The following ZNF384 variants were observed in gnomAD, a reference collection of about 807,000 sequenced individuals.
ZNF384 encodes the protein zinc finger protein 384, also known as CAG repeat protein 1.
Under a neutral mutation model 65.0 loss-of-function variants are expected in ZNF384, and 20 were observed. The ratio of observed to expected loss-of-function variants is 0.31; its 90% CI spans 0.22 to 0.45. The LOEUF (loss-of-function observed/expected upper bound fraction) is 0.45. Among genes scored for constraint, ZNF384 ranks in the 20% least tolerant of loss-of-function variants. The pLI is 1.00. For synonymous variants in ZNF384, 310 were observed against 303.9 expected (o/e 1.02, Z -0.21); for missense variants, 549 against 769.4 (o/e 0.71, Z 3.39).
At position 6,672,341 on chromosome 12, in the gene ZNF384, C is replaced by A. The variant is rs758793197; in HGVS notation, c.1187+9G>T. The stretch of plus-strand genomic sequence containing the variant: ...GGGGCGGGGTCAGTAGCCCGCCACT[C>A]TCCCTTACCGTGTGTGCTGCTGGAG... On this transcript the variant is annotated intron_variant, in intron 9 of 11. Coordinates refer to ENST00000683879, the MANE Select transcript of ZNF384 (RefSeq NM_001385745.1). The surrounding 1 kb of genome is among the most constrained non-coding windows in gnomAD (Gnocchi z 4.4). 1 of 1,612,014 alleles carries A rather than the reference C, an allele frequency of 6.2e-7. No individual in the cohort carries two copies. The highest frequency in any genetic ancestry group is 8.5e-7 in the Non-Finnish European group (1 of 1,178,856).
At chr12:6,687,668 C>A (rs1337604948) in intron 2 of ZNF384, among the ~76,000 whole-genome samples, 2 of 151,990 alleles carry the variant, frequency 1.3e-5, no homozygotes, top group African/African-American at 2.4e-5. Context: ...AAAATTTCAT[C>A]TTGCCATACC....
At chr12:6,669,578 C>G (rs898705231) in intron 10 of ZNF384, among the ~76,000 whole-genome samples, 4 of 151,834 alleles carry the variant, frequency 2.6e-5, no homozygotes, top group Non-Finnish European at 4.4e-5. Context: ...CGGCTCATTG[C>G]AACCTCCGCT....
intron 7 of ZNF384, among the ~76,000 whole-genome samples, chr12:6,676,115 C>T (rs775972613): frequency 1.3e-5 from 2 of 152,176 alleles, no homozygotes; most frequent in Non-Finnish European, 2.9e-5. Flanking sequence ...GCCTGGCCAA[C>T]GTGGTGAAAC....
At chr12:6,682,413 C>T (rs1040594550) in intron 2 of ZNF384, among the ~76,000 whole-genome samples, 1 of 152,038 alleles carries the variant, frequency 6.6e-6, no homozygotes, top group East Asian at 1.9e-4. Flanking sequence ...AATCCCAGCG[C>T]TTTGAGAGGC....
At chr12:6,668,887 A>G (rs1950488649) in intron 11 of ZNF384, 144 bp downstream of exon 11, 2 of 795,192 alleles carry the variant, frequency 2.5e-6, no homozygotes, top group Admixed American at 3.7e-5. Flanking sequence ...GGTCTAATTA[A>G]TTTCTGAATA....
At position 6,678,517 on chromosome 12, in the gene ZNF384, T is replaced by C; in HGVS notation, c.353-57A>G. ...TGTTGTTCAGTCCTGATCCTAATCCTATTTCATTTCCCCCAGATCATTGTC... is the reference window on the plus strand; with the variant it reads ...TGTTGTTCAGTCCTGATCCTAATCCCATTTCATTTCCCCCAGATCATTGTC... On this transcript the variant is annotated intron_variant, in intron 5 of 11. Coordinates refer to ENST00000683879, the MANE Select transcript of ZNF384 (RefSeq NM_001385745.1). The surrounding 1 kb of genome is among the most constrained non-coding windows in gnomAD (Gnocchi z 4.9). 1 of 1,540,550 alleles carries C rather than the reference T, an allele frequency of 6.5e-7. No individual in the cohort carries two copies. The highest frequency in any genetic ancestry group is 8.8e-7 in the Non-Finnish European group (1 of 1,130,930).
intron 2 of ZNF384, among the ~76,000 whole-genome samples, chr12:6,686,314 C>T (rs148562444): frequency 5.1e-4 from 78 of 152,276 alleles, no homozygotes; most frequent in African/African-American, 1.1e-3. Flanking sequence ...AGTGTAATGG[C>T]GTGATCTCAG....
chr12:6,678,620 T>A lies in ZNF384; in HGVS notation c.352+43A>T, dbSNP rs370426407. 10 of 1,603,362 alleles carry A rather than the reference T, an allele frequency of 6.2e-6. No individual in the cohort carries two copies. In the African/African-American group the frequency reaches 1.2e-4, roughly 20 times the overall value. Reference sequence around the variant, plus strand: ...CAAACCCTGTAGAAAAATAATGGTCTCCTAACCCTTGTCCCCACCCCCCTG... The same window carrying A: ...CAAACCCTGTAGAAAAATAATGGTCACCTAACCCTTGTCCCCACCCCCCTG... On this transcript the variant is annotated intron_variant, in intron 5 of 11. Coordinates refer to ENST00000683879, the MANE Select transcript of ZNF384 (RefSeq NM_001385745.1). This position sits in a 1 kb window ranked among gnomAD's most constrained non-coding sequence, Gnocchi z 4.9.
intron 7 of ZNF384, among the ~76,000 whole-genome samples, chr12:6,676,577 C>T (rs1004386322): frequency 1.3e-5 from 2 of 152,128 alleles, no homozygotes; most frequent in African/African-American, 4.8e-5. Context: ...ATGAGAGGAC[C>T]CTGATCCATT....
chr12:6,677,415 G>C (rs1269057908), intron 6 of ZNF384, among the ~76,000 whole-genome samples, 156 bp from the exon 7 acceptor site: 1 of 152,146 alleles, frequency 6.6e-6, no homozygotes, highest in East Asian at 1.9e-4. Flanking sequence ...ACCCACTAGG[G>C]CACGTGACAG....
At chr12:6,683,661 C>CAAAAAAAAAAAAA (rs550687196) in intron 2 of ZNF384, among the ~76,000 whole-genome samples, 1 of 66,660 alleles carries the variant, frequency 1.5e-5, no homozygotes, top group African/African-American at 4.1e-5. Flanking sequence ...GACCCTGTCT[C>CAAAAAAAAAAAAA]AAAAAAAAAA....
intron 2 of ZNF384, among the ~76,000 whole-genome samples, chr12:6,683,661 CAAAA>C (rs550687196): frequency 6.0e-5 from 4 of 66,686 alleles, no homozygotes; most frequent in Non-Finnish European, 3.7e-5. Context: ...GACCCTGTCT[CAAAA>C]AAAAAAAAAA....
Position 6,680,774 on chromosome 12 carries a change from G to A in ZNF384, c.-5-1249C>T, listed in dbSNP as rs116576534. 3.7e-3 allele frequency among the ~76,000 whole-genome samples: 565 copies of A among 152,134 alleles called. 3 individuals are homozygous for A. The highest frequency in any genetic ancestry group is 0.013 in the African/African-American group (535 of 41,494). ...TGCTACACTGGGCACCACACATGCC[G>A]CGCTGAGCAGTGAGAATCAAAGCAC... On this transcript the variant is annotated intron_variant, in intron 2 of 11. Coordinates refer to ENST00000683879, the MANE Select transcript of ZNF384 (RefSeq NM_001385745.1).
chr12:6,669,686 G>A (rs1008246759), intron 10 of ZNF384, among the ~76,000 whole-genome samples: 1 of 152,014 alleles, frequency 6.6e-6, no homozygotes, highest in Admixed American at 6.6e-5. Context: ...ATTTTTAGTA[G>A]AGACAAGGTT....
chr12:6,687,450 T>C (rs1325029580), intron 2 of ZNF384, among the ~76,000 whole-genome samples: 2 of 152,180 alleles, frequency 1.3e-5, no homozygotes, highest in Non-Finnish European at 2.9e-5. Flanking sequence ...GTACCCAATA[T>C]TTAATCAACA....
Position 6,667,405 on chromosome 12 carries a change from G to A in ZNF384, c.*309C>T. 2.0e-6 allele frequency: 1 copy of A among 510,370 alleles called. No homozygotes were observed. Among genetic ancestry groups the A allele is most frequent in the Non-Finnish European group, 3.6e-6 (1 of 280,672 alleles). The allele number at this position is 510,370 out of a possible 1,614,324, so 31.6% of individuals were successfully genotyped here. ...TAGGGTAAGTGGCCACACTGGACAA[G>A]GTTCTATGAGGTCATAGCAAATCCT... On this transcript the variant is annotated 3_prime_UTR_variant, in exon 12 of 12. Coordinates refer to ENST00000683879, the MANE Select transcript of ZNF384 (RefSeq NM_001385745.1).
intron 2 of ZNF384, among the ~76,000 whole-genome samples, chr12:6,684,271 C>T (rs1299552168): frequency 2.6e-5 from 4 of 152,118 alleles, no homozygotes; most frequent in Non-Finnish European, 5.9e-5. Context: ...CTACAAGGAA[C>T]CAAAACCATA....
In ZNF384 at chr12:6,673,638, T is replaced by C. The variant is rs543014789; in HGVS notation, c.780-198A>G. ...ACATTATAAATATTCAATAAATGTTTGCTGAATGACTGGACTGCCTCCATG... is the reference window on the plus strand; with the variant it reads ...ACATTATAAATATTCAATAAATGTTCGCTGAATGACTGGACTGCCTCCATG... On this transcript the variant is annotated intron_variant, in intron 7 of 11. Coordinates refer to ENST00000683879, the MANE Select transcript of ZNF384 (RefSeq NM_001385745.1). The surrounding 1 kb of genome is among the most constrained non-coding windows in gnomAD (Gnocchi z 4.7). Among the ~76,000 whole-genome samples the C allele has an allele frequency of 2.0e-5, 3 of 152,300 alleles. No homozygotes were observed. The highest frequency in any genetic ancestry group is 7.2e-5 in the African/African-American group (3 of 41,546).
chr12:6,686,812 A>G (rs1958094058), intron 2 of ZNF384, among the ~76,000 whole-genome samples: 1 of 152,258 alleles, frequency 6.6e-6, no homozygotes, highest in South Asian at 2.1e-4. Context: ...AGCGACAATT[A>G]GTGAAAATTA....
Sources: allele counts gnomAD v4.1 joint callset (sites outside exome capture counted in the v4.1 genomes callset), GRCh38; gene constraint gnomAD v4.1.1; non-coding constraint Gnocchi (gnomAD v3.1); transcripts MANE v1.5; gene names NCBI Gene and HGNC (gene_info 2026-07-23, HGNC 2026-07-21).